The following EIF2AK3 variants were observed in gnomAD, a reference collection of about 807,000 sequenced individuals.
The protein encoded by EIF2AK3 is eukaryotic translation initiation factor 2-alpha kinase 3.
In EIF2AK3, 50 loss-of-function variants were observed where a neutral mutation model predicts 113.5. The observed-to-expected ratio is 0.44, with a 90% CI of 0.35 to 0.56. The LOEUF is 0.56. Ranked by LOEUF, EIF2AK3 falls within the 20% of genes least tolerant of loss-of-function variation. The pLI is 0.00. For synonymous variants in EIF2AK3, 448 were observed against 495.4 expected (o/e 0.90, Z 1.27); for missense variants, 1,185 against 1,378.0 (o/e 0.86, Z 2.22).
At chr2:88,563,237 C>G (rs1411422243) in intron 14 of EIF2AK3, among the ~76,000 whole-genome samples, 1 of 152,146 alleles carries the variant, frequency 6.6e-6, no homozygotes, top group African/African-American at 2.4e-5. Context: ...AGGGCAGTTG[C>G]CAGGGTTTAT....
chr2:88,575,092 C>T lies in EIF2AK3; in HGVS notation c.2391G>A (p.Arg797=). The change falls in exon 13 of 17, where the codon AGG becomes AGA. Residue 797 remains arginine (R), a synonymous_variant. Transcript: ENST00000303236. ...TTGAAGAGGAGGTTCTCTCCCTTGA[C>T]CTTACATAAGGAGAAGCTTCAGAAG... ...LCPSEASPYV[R]SRERTSSSIV... is the part of the protein sequence containing the mutation. 2 of 1,614,170 alleles carry T rather than the reference C, an allele frequency of 1.2e-6. No individual in the cohort carries two copies. The highest frequency in any genetic ancestry group is 1.7e-6 in the Non-Finnish European group (2 of 1,180,040).
chr2:88,607,361 G>A (rs1675303426), intron 2 of EIF2AK3, among the ~76,000 whole-genome samples: 2 of 152,268 alleles, frequency 1.3e-5, no homozygotes, highest in East Asian at 1.9e-4. Flanking sequence ...AAAATTCTTA[G>A]CTACTATTAA....
At chr2:88,572,264 T>C (rs550395054) in intron 13 of EIF2AK3, among the ~76,000 whole-genome samples, 1 of 152,340 alleles carries the variant, frequency 6.6e-6, no homozygotes, top group East Asian at 1.9e-4. Context: ...GCAGTTGTTA[T>C]TTACTGAACC....
chr2:88,597,023 G>C (rs1675037853), intron 2 of EIF2AK3, among the ~76,000 whole-genome samples: 1 of 152,162 alleles, frequency 6.6e-6, no homozygotes, highest in African/African-American at 2.4e-5. Flanking sequence ...TTAGGAAACA[G>C]GAATACGAGA....
At chr2:88,574,630 T>A (rs755624334) in intron 13 of EIF2AK3, 36 bp downstream of exon 13, 1 of 1,611,612 alleles carries the variant, frequency 6.2e-7, no homozygotes, top group South Asian at 1.1e-5. Context: ...AAACGTCAGA[T>A]TGAAACCCCA....
At chr2:88,600,081 C>T (rs915452585) in intron 2 of EIF2AK3, among the ~76,000 whole-genome samples, 6 of 152,086 alleles carry the variant, frequency 3.9e-5, no homozygotes, top group Admixed American at 2.6e-4. Flanking sequence ...AATAATGAAT[C>T]ATCATGTCAT....
In EIF2AK3 at chr2:88,575,262, G is replaced by A. The variant is rs558089047; in HGVS notation, c.2221C>T (p.Leu741=). Residue 741 remains leucine (L), a synonymous_variant, in exon 13 of 17, where the codon CTG becomes TTG. Coordinates refer to ENST00000303236, the MANE Select transcript of EIF2AK3 (RefSeq NM_004836.7). ...TCATGGTCCATTCCTGAGAATTCCA[G>A]TGGTGAGAACTGGCTCTCAGATGAA... is the stretch of plus-strand genomic sequence containing the variant. ...TSSSESQFSP[L]EFSGMDHEDI... 1 of 1,614,066 alleles carries A rather than the reference G, an allele frequency of 6.2e-7. No homozygotes were observed. Among genetic ancestry groups the A allele is most frequent in the Admixed American group, 1.7e-5 (1 of 60,016 alleles).
intron 2 of EIF2AK3, among the ~76,000 whole-genome samples, chr2:88,606,284 T>A (rs1263420784): frequency 6.7e-6 from 1 of 150,126 alleles, no homozygotes. Flanking sequence ...ACAATGTACA[T>A]GAAGAGTCAA....
intron 2 of EIF2AK3, among the ~76,000 whole-genome samples, chr2:88,612,445 T>A (rs1331905290): frequency 6.6e-6 from 1 of 152,238 alleles, no homozygotes; most frequent in Admixed American, 6.5e-5. Flanking sequence ...TACTCAATTA[T>A]AAACTTAATG....
chr2:88,625,219 T>A (rs1675828908), intron 1 of EIF2AK3, among the ~76,000 whole-genome samples: 1 of 151,908 alleles, frequency 6.6e-6, no homozygotes, highest in Admixed American at 6.6e-5. Context: ...CTCTAACCTA[T>A]TTTTTCTATC....
Position 88,562,722 on chromosome 2 carries a change from G to GT in EIF2AK3, c.2986-333dup, listed in dbSNP as rs199752738. ...TCTGCTCGACTACCCCTGAGGTGAG[G>GT]TTTTTCAAAGGGAACGCTATCTAAA... On this transcript the variant is annotated intron_variant, in intron 14 of 16. Transcript: ENST00000303236. 5.7e-3 allele frequency among the ~76,000 whole-genome samples: 868 copies of GT among 152,240 alleles called. 9 individuals are homozygous for GT. Among genetic ancestry groups the GT allele is most frequent in the Middle Eastern group, 0.051 (15 of 294 alleles).
Position 88,627,111 on chromosome 2 carries a change from G to T in EIF2AK3, c.164C>A (p.Ser55Ter). ...FGLGAAAAPT[S>*]ATRVPAAGAV... is the part of the protein sequence containing the mutation. ...GCCCGCCGCCGGTACTCGCGTCGCT[G>T]AGGTGGGAGCAGCGGCCGCCCCGAG... The change falls in exon 1 of 17, where the codon TCA becomes TAA. Residue 55 changes from serine (S) to a stop codon, truncating the protein, a stop_gained. Coordinates refer to ENST00000303236, the MANE Select transcript of EIF2AK3 (RefSeq NM_004836.7). LOFTEE classifies it high-confidence loss of function. 1 of 1,531,042 alleles carries T rather than the reference G, an allele frequency of 6.5e-7. No homozygotes were observed. The highest frequency in any genetic ancestry group is 8.7e-7 in the Non-Finnish European group (1 of 1,146,402). The allele number at this position is 1,531,042 out of a possible 1,614,324, so 94.8% of individuals were successfully genotyped here.
intron 1 of EIF2AK3, among the ~76,000 whole-genome samples, chr2:88,620,849 C>A (rs907217534): frequency 6.6e-6 from 1 of 152,194 alleles, no homozygotes; most frequent in Non-Finnish European, 1.5e-5. Flanking sequence ...GAGCTTCCTA[C>A]GGAAAAGACA....
At chr2:88,586,929 G>A (rs1348495780) in intron 8 of EIF2AK3, among the ~76,000 whole-genome samples, 5 of 150,716 alleles carry the variant, frequency 3.3e-5, no homozygotes, top group African/African-American at 4.9e-5. Context: ...TAAAGGAGCC[G>A]GGCACAGTGG....
At chr2:88,613,913 C>T (rs890421021) in intron 1 of EIF2AK3, 60 bp from the exon 2 acceptor site, 16 of 1,499,862 alleles carry the variant, frequency 1.1e-5, no homozygotes, top group Non-Finnish European at 1.2e-5. Flanking sequence ...GGCACTTATC[C>T]CACATGCTCA....
intron 3 of EIF2AK3, among the ~76,000 whole-genome samples, chr2:88,594,849 A>AC (rs1674975064): frequency 7.1e-6 from 1 of 140,322 alleles, no homozygotes; most frequent in East Asian, 2.0e-4. Context: ...AAAAAAAAAA[A>AC]CGAAAGTTAC....
At chr2:88,577,681 C>T (rs1674497449) in intron 11 of EIF2AK3, among the ~76,000 whole-genome samples, 1 of 151,862 alleles carries the variant, frequency 6.6e-6, no homozygotes. Context: ...ACCTGGCCAA[C>T]CTATCTTTTT....
chr2:88,568,314 A>C (rs941308997), intron 14 of EIF2AK3, among the ~76,000 whole-genome samples: 8 of 152,196 alleles, frequency 5.3e-5, no homozygotes, highest in African/African-American at 1.9e-4. Flanking sequence ...TTTCATAATA[A>C]TACTAAGATA....
intron 2 of EIF2AK3, among the ~76,000 whole-genome samples, chr2:88,612,896 A>G (rs1311670399): frequency 1.3e-5 from 2 of 152,234 alleles, no homozygotes; most frequent in African/African-American, 4.8e-5. Context: ...AAAGAAGGCC[A>G]CAGGCATTCT....
Sources: allele counts gnomAD v4.1 joint callset (sites outside exome capture counted in the v4.1 genomes callset), GRCh38; gene constraint gnomAD v4.1.1; transcripts MANE v1.5; gene names NCBI Gene and HGNC (gene_info 2026-07-23, HGNC 2026-07-21).